Variants in CTBP2 observed in about 807,000 individuals in gnomAD.
CTBP2 encodes C-terminal-binding protein 2.
CTBP2 carries 30 observed loss-of-function variants against 80.3 expected under a neutral mutation model. The observed-to-expected ratio is 0.37, with a 90% confidence interval of 0.28 to 0.51. The LOEUF (loss-of-function observed/expected upper bound fraction) is 0.51. Among genes scored for constraint, CTBP2 ranks in the 20% least tolerant of loss-of-function variants. CTBP2 has a pLI of 0.93. For missense variants in CTBP2, 1,212 were observed against 1,375.3 expected (o/e 0.88, Z 1.88); for synonymous variants, 594 against 587.4 (o/e 1.01, Z -0.16).
chr10:125,064,557 A>G (rs1472427911), intron 2 of CTBP2, among the ~76,000 whole-genome samples: 2 of 152,240 alleles, frequency 1.3e-5, no homozygotes, highest in Non-Finnish European at 2.9e-5. Flanking sequence ...AAAAAGTGCC[A>G]CAATCCATTG....
chr10:125,152,196 G>A (rs980321956), intron 1 of CTBP2, among the ~76,000 whole-genome samples: 1 of 152,142 alleles, frequency 6.6e-6, no homozygotes, highest in Non-Finnish European at 1.5e-5. Flanking sequence ...AGGGATGGAG[G>A]GGGCTTCACC....
chr10:125,159,743 C>T (rs1451850254), intron 1 of CTBP2: 32 of 149,656 alleles, frequency 2.1e-4, no homozygotes, highest in African/African-American at 7.5e-4. Flanking sequence ...GGCGCAAGGC[C>T]CGCCGCACCC....
chr10:125,007,773 C>T (rs750965556), intron 1 of CTBP2, among the ~76,000 whole-genome samples: 3 of 152,112 alleles, frequency 2.0e-5, no homozygotes, highest in Non-Finnish European at 2.9e-5. Context: ...TGAGCTAAGC[C>T]GACATCCTTC....
At chr10:125,116,866 G>T (rs74163340) in intron 1 of CTBP2, among the ~76,000 whole-genome samples, 1 of 152,180 alleles carries the variant, frequency 6.6e-6, no homozygotes, top group African/African-American at 2.4e-5. Context: ...GCAAAATCTT[G>T]TCAAGAAGCC....
chr10:125,151,145 G>A (rs1339840463), intron 1 of CTBP2, among the ~76,000 whole-genome samples: 1 of 152,118 alleles, frequency 6.6e-6, no homozygotes, highest in African/African-American at 2.4e-5. Context: ...GCACTTGAAT[G>A]GCTGCATAAG....
chr10:125,077,886 T>C (rs1564864671), intron 2 of CTBP2, among the ~76,000 whole-genome samples: 1 of 152,150 alleles, frequency 6.6e-6, no homozygotes. Flanking sequence ...TTATCTTAGG[T>C]TGTGGCTTAA....
intron 2 of CTBP2, among the ~76,000 whole-genome samples, chr10:125,048,707 T>C (rs1195851827): frequency 6.6e-6 from 1 of 152,168 alleles, no homozygotes; most frequent in African/African-American, 2.4e-5. Flanking sequence ...AACCAGTTAG[T>C]GTTGAAAATT....
intron 1 of CTBP2, chr10:125,005,824 CCA>C: frequency 1.9e-6 from 3 of 1,605,774 alleles, no homozygotes; most frequent in Non-Finnish European, 2.6e-6. Flanking sequence ...AGGCGGTCGC[CCA>C]CACACAGTGA....
intron 1 of CTBP2, among the ~76,000 whole-genome samples, chr10:125,012,090 G>A (rs551941968): frequency 1.1e-4 from 16 of 152,316 alleles, no homozygotes; most frequent in African/African-American, 3.9e-4. Context: ...CACCAAAAAC[G>A]GCGCCTTAGA....
intron 1 of CTBP2, among the ~76,000 whole-genome samples, chr10:125,014,522 G>A (rs1466438375): frequency 6.6e-6 from 1 of 152,232 alleles, no homozygotes; most frequent in Non-Finnish European, 1.5e-5. Flanking sequence ...CTTAACACTG[G>A]CCTCTAAGAG....
exon 2 of CTBP2, chr10:125,111,084 T>C (rs1036311908): frequency 5.9e-5 from 9 of 152,568 alleles, no homozygotes; most frequent in African/African-American, 1.9e-4. Context: ...CCATTTAAGG[T>C]GATGAAACCC....
chr10:124,990,313 G>T (rs1261344236), intron 8 of CTBP2, among the ~76,000 whole-genome samples: 1 of 152,170 alleles, frequency 6.6e-6, no homozygotes, highest in Non-Finnish European at 1.5e-5. Flanking sequence ...AAAGTGCTGG[G>T]ATTACAGGCG....
chr10:125,002,130 A>G (rs562147071), intron 3 of CTBP2, among the ~76,000 whole-genome samples: 2 of 152,246 alleles, frequency 1.3e-5, no homozygotes, highest in East Asian at 1.9e-4. Context: ...ATGGTGCCTC[A>G]TGAATTTGGG....
At chr10:125,081,102 TG>T (rs1306329035) in intron 2 of CTBP2, among the ~76,000 whole-genome samples, 2 of 152,188 alleles carry the variant, frequency 1.3e-5, no homozygotes, top group African/African-American at 4.8e-5. Flanking sequence ...ACAACAACAG[TG>T]GGTCCTGAGC....
At chr10:125,062,926 C>T (rs1590438398) in intron 2 of CTBP2, among the ~76,000 whole-genome samples, 1 of 152,230 alleles carries the variant, frequency 6.6e-6, no homozygotes, top group African/African-American at 2.4e-5. Context: ...GCTGTGCACC[C>T]GTTTTCCTAA....
intron 2 of CTBP2, among the ~76,000 whole-genome samples, chr10:125,105,898 C>T (rs751245751): frequency 8.5e-5 from 13 of 152,352 alleles, no homozygotes; most frequent in Non-Finnish European, 4.4e-5. Context: ...TACGCCCCAG[C>T]CTGAAACTTG....
intron 1 of CTBP2, among the ~76,000 whole-genome samples, chr10:125,157,445 G>C (rs896421143): frequency 6.6e-6 from 1 of 150,694 alleles, no homozygotes; most frequent in Non-Finnish European, 1.5e-5. Flanking sequence ...TTATCTTTCT[G>C]AACAGGAAAA....
At chr10:125,051,911 G>A (rs1962863669) in intron 2 of CTBP2, among the ~76,000 whole-genome samples, 1 of 152,192 alleles carries the variant, frequency 6.6e-6, no homozygotes, top group Non-Finnish European at 1.5e-5. Context: ...ACAGGGGGAA[G>A]ACGACGTGAA....
chr10:125,083,637 T>C (rs186602566), intron 2 of CTBP2, among the ~76,000 whole-genome samples: 24 of 132,334 alleles, frequency 1.8e-4, no homozygotes, highest in African/African-American at 6.0e-4. Context: ...TCGCTGTTGT[T>C]TGTTTGTTTG....
Sources: gnomAD v4.1 joint callset for allele counts (sites outside exome capture counted in the v4.1 genomes callset) on GRCh38, gnomAD v4.1.1 for gene constraint, MANE v1.5 for transcripts, NCBI Gene and HGNC (gene_info 2026-07-23, HGNC 2026-07-21) for gene names.